Variants in PRDM11 observed in about 807,000 individuals in gnomAD.
PRDM11 encodes the protein PR/SET domain 11, also known as PR domain-containing protein 11.
PRDM11 carries 20 observed loss-of-function variants against 97.8 expected under a neutral mutation model. The ratio of observed to expected loss-of-function variants is 0.20; its 90% confidence interval spans 0.14 to 0.30. The LOEUF is 0.30. Among genes scored for constraint, PRDM11 ranks in the 10% least tolerant of loss-of-function variants. The pLI is 1.00. For missense variants in PRDM11, 1,139 were observed against 1,555.2 expected, an observed-to-expected ratio of 0.73 and a Z score of 4.50; for synonymous variants, 599 against 637.7, an observed-to-expected ratio of 0.94 and a Z score of 0.91.
chr11:45,128,462 G>A (rs138096393), intron 1 of PRDM11, among the ~76,000 whole-genome samples: 6,634 of 152,028 alleles, frequency 0.044, 228 homozygotes, highest in Non-Finnish European at 0.062. Flanking sequence ...GCTGTAGACC[G>A]GAGCTCTTCC....
chr11:45,112,600 A>G (rs1161110401), intron 1 of PRDM11, among the ~76,000 whole-genome samples: 1 of 152,054 alleles, frequency 6.6e-6, no homozygotes, highest in Non-Finnish European at 1.5e-5. Flanking sequence ...GCCAACACCT[A>G]TTGTTTTTTG....
intron 1 of PRDM11, among the ~76,000 whole-genome samples, chr11:45,130,805 A>T (rs1852699946): frequency 6.6e-6 from 1 of 152,192 alleles, no homozygotes; most frequent in Non-Finnish European, 1.5e-5. Context: ...CTTTTTCCAT[A>T]ATAGGATTTT....
At chr11:45,210,810 AC>A (rs1853702786) in intron 5 of PRDM11, among the ~76,000 whole-genome samples, 1 of 151,944 alleles carries the variant, frequency 6.6e-6, no homozygotes, top group Non-Finnish European at 1.5e-5. Context: ...CAGGACTTGA[AC>A]CCGGGTCTGC....
rs561825717 is a variant in PRDM11, at chr11:45,188,262, C to T, written c.486+5139C>T. Among the ~76,000 whole-genome samples, 26 of 152,324 alleles carry T rather than the reference C, an allele frequency of 1.7e-4. No individual in the cohort carries two copies. The South Asian group carries it at 5.2e-3, about 30-fold the overall frequency. ...GCTTTATAGCATAATCTCATCTGAT[C>T]CTAACAACGCTCCTGTGACATAGGT... On this transcript the variant is annotated intron_variant, in intron 4 of 7. Coordinates refer to ENST00000683152, the MANE Select transcript of PRDM11 (RefSeq NM_001384648.1).
chr11:45,178,262 GGA>G (rs1328887061), intron 1 of PRDM11, among the ~76,000 whole-genome samples: 6 of 151,708 alleles, frequency 4.0e-5, no homozygotes, highest in African/African-American at 1.5e-4. Context: ...TTCCTAATGG[GGA>G]CCACCTCCTC....
intron 4 of PRDM11, among the ~76,000 whole-genome samples, chr11:45,193,181 A>G (rs747654797): frequency 1.2e-4 from 18 of 152,230 alleles, no homozygotes; most frequent in Non-Finnish European, 1.6e-4. Flanking sequence ...GACTTAAGCC[A>G]TCCTCCTGCC....
At chr11:45,206,346 G>A (rs928144539) in intron 5 of PRDM11, among the ~76,000 whole-genome samples, 1 of 152,204 alleles carries the variant, frequency 6.6e-6, no homozygotes, top group Non-Finnish European at 1.5e-5. Flanking sequence ...CCTTCAAAGG[G>A]GCCAGGATTG....
At chr11:45,143,097 T>C (rs1231438547), upstream of PRDM11, among the ~76,000 whole-genome samples, 1 of 152,218 alleles carries the variant, frequency 6.6e-6, no homozygotes, top group East Asian at 1.9e-4. Flanking sequence ...AGGAAGATGC[T>C]TGCCAGTTCC....
At chr11:45,111,837 G>T (rs1852188809) in intron 1 of PRDM11, among the ~76,000 whole-genome samples, 1 of 152,198 alleles carries the variant, frequency 6.6e-6, no homozygotes, top group South Asian at 2.1e-4. Context: ...ATGGGAGGAA[G>T]TCACTCTGCT....
chr11:45,205,305 G>C (rs1456508194), intron 5 of PRDM11, among the ~76,000 whole-genome samples: 1 of 152,164 alleles, frequency 6.6e-6, no homozygotes, highest in Admixed American at 6.5e-5. Context: ...TTTTGCACCA[G>C]AAGTTTTCTT....
At chr11:45,138,489 G>A (rs1336605504) in intron 1 of PRDM11, among the ~76,000 whole-genome samples, 1 of 152,162 alleles carries the variant, frequency 6.6e-6, no homozygotes, top group African/African-American at 2.4e-5. Context: ...GATCGCTTGA[G>A]CCTAAGAAGT....
chr11:45,167,640 T>C (rs1427331613), intron 1 of PRDM11, among the ~76,000 whole-genome samples: 1 of 152,076 alleles, frequency 6.6e-6, no homozygotes, highest in Non-Finnish European at 1.5e-5. Flanking sequence ...ATTACCTATA[T>C]CACTAGCAGC....
intron 1 of PRDM11, among the ~76,000 whole-genome samples, chr11:45,153,693 T>G (rs1851718063): frequency 6.6e-6 from 1 of 152,258 alleles, no homozygotes; most frequent in South Asian, 2.1e-4. Flanking sequence ...AATATTTAAC[T>G]GCGCCTCAGT....
chr11:45,208,847 T>C (rs1286474682), intron 5 of PRDM11: 1 of 410,084 alleles, frequency 2.4e-6, no homozygotes, highest in Admixed American at 2.6e-5. Flanking sequence ...TTTACCCAAT[T>C]GTGCTTTGTG....
rs1854405441 is a variant in PRDM11, at chr11:45,231,903, C to T, written c.*3744C>T. On this transcript the variant is annotated 3_prime_UTR_variant, in exon 8 of 8. Coordinates refer to ENST00000683152, the MANE Select transcript of PRDM11 (RefSeq NM_001384648.1). The stretch of plus-strand genomic sequence containing the variant: ...TGACACCTTGTGATGCTAGGCACAT[C>T]CTCATTTCCCCATCCTCACTTGGGA... The T allele has an allele frequency of 6.6e-6, 1 of 152,036 alleles. No homozygotes were observed. The highest frequency in any genetic ancestry group is 2.4e-5 in the African/African-American group (1 of 41,396). 9.4% of individuals were successfully genotyped at this position (152,036 alleles called of 1,614,324 possible). A position where few individuals can be genotyped will look rare whatever the true frequency, so the allele number is the denominator to read the frequency against.
intron 4 of PRDM11, among the ~76,000 whole-genome samples, chr11:45,184,845 G>A (rs932965207): frequency 3.7e-4 from 56 of 152,154 alleles, no homozygotes; most frequent in African/African-American, 1.4e-3. Flanking sequence ...CAGTGGGGGT[G>A]TGGGTGTGGA....
intron 5 of PRDM11, among the ~76,000 whole-genome samples, chr11:45,205,610 C>T (rs1462873377): frequency 6.6e-6 from 1 of 152,098 alleles, no homozygotes; most frequent in African/African-American, 2.4e-5. Context: ...GGCCTGGGGC[C>T]CTCTGCCGGC....
At chr11:45,147,548 G>C (rs922122316) in intron 1 of PRDM11, 2 of 152,350 alleles carry the variant, frequency 1.3e-5, no homozygotes, top group African/African-American at 2.4e-5. Flanking sequence ...CCTCTCCGGA[G>C]CGTAGCCTCC....
At chr11:45,144,901 G>T (rs751174360), upstream of PRDM11, among the ~76,000 whole-genome samples, 9 of 152,154 alleles carry the variant, frequency 5.9e-5, no homozygotes, top group Non-Finnish European at 1.2e-4. Flanking sequence ...TGAATTAATT[G>T]AAGTTATCTG....
Sources: gnomAD v4.1 joint callset for allele counts (sites outside exome capture counted in the v4.1 genomes callset) on GRCh38, gnomAD v4.1.1 for gene constraint, MANE v1.5 for transcripts, NCBI Gene and HGNC (gene_info 2026-07-23, HGNC 2026-07-21) for gene names.